The following SCPEP1 variants were observed in gnomAD, a reference collection of about 807,000 sequenced individuals.
The protein encoded by SCPEP1 is serine carboxypeptidase 1, also known as retinoid-inducible serine carboxypeptidase.
Under a neutral mutation model 63.8 loss-of-function variants are expected in SCPEP1, and 51 were observed. The observed-to-expected ratio is 0.80, with a 90% CI of 0.64 to 1.01. The LOEUF (loss-of-function observed/expected upper bound fraction) is 1.01, where lower values mean the gene tolerates loss of function less well. SCPEP1 is among the 50% of genes least tolerant of loss of function. SCPEP1 has a pLI of 0.00. For synonymous variants in SCPEP1, 204 were observed against 207.8 expected (o/e 0.98, Z 0.16); for missense variants, 499 against 554.9 (o/e 0.90, Z 1.01).
intron 12 of SCPEP1, among the ~76,000 whole-genome samples, chr17:57,003,091 C>T (rs918560314): frequency 1.3e-5 from 2 of 151,982 alleles, no homozygotes; most frequent in Non-Finnish European, 2.9e-5. Flanking sequence ...CCTGCCCAGG[C>T]ATGCAGATCT....
At chr17:57,005,221 G>A (rs184430891) in intron 12 of SCPEP1, among the ~76,000 whole-genome samples, 1 of 152,322 alleles carries the variant, frequency 6.6e-6, no homozygotes, top group Non-Finnish European at 1.5e-5. Flanking sequence ...GGAGCATTTT[G>A]GATTTTCCAA....
intron 6 of SCPEP1, among the ~76,000 whole-genome samples, chr17:56,992,704 T>C (rs184857818): frequency 1.7e-4 from 26 of 152,304 alleles, no homozygotes; most frequent in African/African-American, 4.8e-4. Flanking sequence ...ATTTTGTAAA[T>C]GATGAAACTG....
At position 56,981,229 on chromosome 17, in the gene SCPEP1, A is replaced by G. The variant is rs967427943; in HGVS notation, c.224A>G (p.Gln75Arg). The G allele has an allele frequency of 6.2e-7, 1 of 1,613,982 alleles. No homozygotes were observed. The change falls in exon 2 of 13, where the codon CAG (glutamine) becomes CGG (arginine). Residue 75 changes from glutamine to arginine, a missense_variant and splice_region_variant. Physicochemically the swap from Gln to Arg is conservative, Grantham distance 43 (BLOSUM62 1). Coordinates refer to ENST00000262288, the MANE Select transcript of SCPEP1 (RefSeq NM_021626.3). ...GAACTGCCCCTGGTCATGTGGCTTC[A>G]GGTAAAGTAGCTTCCCAGCCTGGCC... is the stretch of plus-strand genomic sequence containing the variant. ...FSELPLVMWLQGGPGGSSTGF... is the reference protein window; with the variant it reads ...FSELPLVMWLRGGPGGSSTGF...
intron 11 of SCPEP1, 60 bp from the exon 12 acceptor site, chr17:57,001,958 C>G (rs1476190824): frequency 6.5e-7 from 1 of 1,550,230 alleles, no homozygotes; most frequent in Non-Finnish European, 8.7e-7. Flanking sequence ...AGGACCTAGA[C>G]TTTTTTCCTA....
chr17:57,004,018 G>T (rs1464107740), intron 12 of SCPEP1, among the ~76,000 whole-genome samples: 1 of 152,166 alleles, frequency 6.6e-6, no homozygotes, highest in Non-Finnish European at 1.5e-5. Flanking sequence ...GGCTAACATG[G>T]AGAAACCCTA....
chr17:56,981,327 C>T lies in SCPEP1; in HGVS notation c.225+97C>T. The T allele has an allele frequency of 2.9e-6, 4 of 1,395,410 alleles. No individual in the cohort carries two copies. The Admixed American group carries it at 7.5e-5, about 26-fold the overall frequency. The allele number at this position is 1,395,410 out of a possible 1,614,324, so 86.4% of individuals were successfully genotyped here. Reference sequence around the variant, plus strand: ...GGGCTGATGTCTCAGCAGTGAAGGGCGGATTTGGTCCAGCAGTGTGACCTG... The same window carrying T: ...GGGCTGATGTCTCAGCAGTGAAGGGTGGATTTGGTCCAGCAGTGTGACCTG... On this transcript the variant is annotated intron_variant, in intron 2 of 12. Transcript: ENST00000262288.
Position 56,995,584 on chromosome 17 carries a change from C to T in SCPEP1, c.735C>T (p.Leu245=), listed in dbSNP as rs761199598. The change falls in exon 8 of 13, where the codon CTC becomes CTT. Residue 245 remains leucine, a synonymous_variant. Transcript: ENST00000262288. ...TACTGAATGCCGTAAATAAGGGGCT[C>T]TACAGAGAGGCCACAGAGCTGTGGG... The part of the protein sequence containing the change: ...EQVLNAVNKG[L]YREATELWGK... The T allele has an allele frequency of 1.2e-6, 2 of 1,613,976 alleles. No individual in the cohort carries two copies. The highest frequency in any genetic ancestry group is 1.7e-5 in the Admixed American group (1 of 59,998).
At chr17:57,000,767 G>A in intron 10 of SCPEP1, 88 bp from the exon 11 acceptor site, 1 of 1,474,608 alleles carries the variant, frequency 6.8e-7, no homozygotes, top group African/African-American at 1.4e-5. Context: ...GTTGTTCGGT[G>A]CTGGAGCCCA....
At position 56,995,034 on chromosome 17, in the gene SCPEP1, T is replaced by C. The variant is rs1232557992; in HGVS notation, c.657+16T>C. 6.2e-7 allele frequency: 1 copy of C among 1,609,034 alleles called. No homozygotes were observed. Among genetic ancestry groups the C allele is most frequent in the Admixed American group, 1.7e-5 (1 of 59,986 alleles). The stretch of plus-strand genomic sequence containing the variant: ...GTACAGCATGGTAAGTAGATACACA[T>C]CTGCACCCTCTGGGCAAACAGCCCA... On this transcript the variant is annotated intron_variant, in intron 7 of 12. Coordinates refer to ENST00000262288, the MANE Select transcript of SCPEP1 (RefSeq NM_021626.3).
chr17:56,987,514 T>C, intron 3 of SCPEP1, 181 bp from the exon 4 acceptor site: 1 of 524,090 alleles, frequency 1.9e-6, no homozygotes. Flanking sequence ...TTCTTTGTTT[T>C]TGTTTTTTTT....
chr17:57,006,161 G>GTT lies in SCPEP1; in HGVS notation c.1297-6_1297-5dup. ...CACCAGGAGCACTAACTCAGATGTT[G>GTT]TTTTTTTCTAGGTTCCTTCTGACCA... On this transcript the variant is annotated splice_polypyrimidine_tract_variant and intron_variant, in intron 12 of 12. Coordinates refer to ENST00000262288, the MANE Select transcript of SCPEP1 (RefSeq NM_021626.3). 1 of 1,606,562 alleles carries GTT rather than the reference G, an allele frequency of 6.2e-7. No homozygotes were observed. The highest frequency in any genetic ancestry group is 1.1e-5 in the South Asian group (1 of 90,292).
chr17:56,980,191 T>C (rs1911028651), intron 1 of SCPEP1, among the ~76,000 whole-genome samples: 1 of 152,220 alleles, frequency 6.6e-6, no homozygotes. Context: ...CACAGCTCAC[T>C]GCAGCCTCAA....
intron 2 of SCPEP1, chr17:56,983,012 T>C (rs1911113397): frequency 6.6e-6 from 1 of 152,182 alleles, no homozygotes; most frequent in Non-Finnish European, 1.5e-5. Context: ...CGAAGTCATG[T>C]CTTCTGAGTG....
At chr17:56,996,068 G>T (rs964788145) in intron 8 of SCPEP1, among the ~76,000 whole-genome samples, 1 of 151,958 alleles carries the variant, frequency 6.6e-6, no homozygotes, top group African/African-American at 2.4e-5. Context: ...TAGGCCCTTG[G>T]TTTTTTCCCT....
chr17:57,003,306 A>C (rs774939303), intron 12 of SCPEP1, among the ~76,000 whole-genome samples: 4 of 152,152 alleles, frequency 2.6e-5, no homozygotes, highest in African/African-American at 9.7e-5. Flanking sequence ...AGGGGTTTTA[A>C]GCAAAGGAGT....
At chr17:56,995,382 A>T in intron 7 of SCPEP1, 125 bp from the exon 8 acceptor site, 2 of 988,756 alleles carry the variant, frequency 2.0e-6, no homozygotes, top group Non-Finnish European at 3.0e-6. Flanking sequence ...GTAACAATAC[A>T]CTTTGATATG....
chr17:57,001,842 A>G (rs1911747297), intron 11 of SCPEP1, among the ~76,000 whole-genome samples, 176 bp from the exon 12 acceptor site: 2 of 152,242 alleles, frequency 1.3e-5, no homozygotes, highest in African/African-American at 4.8e-5. Flanking sequence ...GGAGTCAGAA[A>G]TGCAGATGCT....
chr17:56,991,666 G>A (rs1246803405), intron 6 of SCPEP1, among the ~76,000 whole-genome samples: 1 of 152,252 alleles, frequency 6.6e-6, no homozygotes, highest in Non-Finnish European at 1.5e-5. Context: ...TTGAGCATCC[G>A]TGTTGCGAGC....
intron 9 of SCPEP1, chr17:56,998,058 A>T: frequency 3.6e-6 from 1 of 275,306 alleles, no homozygotes; most frequent in East Asian, 8.3e-5. Context: ...TCACACCTGT[A>T]ATCCCACCAC....
Sources: gnomAD v4.1 joint callset for allele counts (sites outside exome capture counted in the v4.1 genomes callset) on GRCh38, gnomAD v4.1.1 for gene constraint, MANE v1.5 for transcripts, NCBI Gene and HGNC (gene_info 2026-07-23, HGNC 2026-07-21) for gene names.